TNKS: variants seen among roughly 807,000 people sequenced by gnomAD.
TNKS encodes the protein tankyrase, also known as poly [ADP-ribose] polymerase tankyrase-1.
TNKS carries 72 observed loss-of-function variants against 135.8 expected under a neutral mutation model. The observed-to-expected ratio is 0.53, with a 90% CI of 0.44 to 0.64. TNKS has a LOEUF of 0.64. Among genes scored for constraint, TNKS ranks in the 30% least tolerant of loss-of-function variants. The probability of loss-of-function intolerance (pLI) is 0.00; values close to 1 mark genes in which losing one functional copy is unlikely to be tolerated. For synonymous variants in TNKS, 849 were observed against 649.3 expected, an observed-to-expected ratio of 1.31 and a Z score of -4.68; for missense variants, 1,769 against 1,674.0, an observed-to-expected ratio of 1.06 and a Z score of -0.99.
Position 9,776,595 on chromosome 8 carries a change from C to CT in TNKS, c.3898-52dup, listed in dbSNP as rs938315469. The CT allele has an allele frequency of 3.2e-6, 5 of 1,539,668 alleles. No individual in the cohort carries two copies. In the African/African-American group the frequency reaches 6.8e-5, roughly 21 times the overall value. ...TTTGAGGCTTCCACATTCGGCAAGG[C>CT]TTTAATATTGTGCCTACTAGAAGGG... is the stretch of plus-strand genomic sequence containing the variant. On this transcript the variant is annotated intron_variant, in intron 26 of 26. Coordinates refer to ENST00000310430, the MANE Select transcript of TNKS (RefSeq NM_003747.3).
At chr8:9,627,667 C>T (rs545546920) in intron 3 of TNKS, among the ~76,000 whole-genome samples, 1 of 150,960 alleles carries the variant, frequency 6.6e-6, no homozygotes, top group Non-Finnish European at 1.5e-5. Flanking sequence ...AGAGCAGAGG[C>T]AAAACTGTTT....
At chr8:9,609,921 A>C (rs1799384540) in intron 2 of TNKS, among the ~76,000 whole-genome samples, 1 of 152,016 alleles carries the variant, frequency 6.6e-6, no homozygotes, top group Admixed American at 6.6e-5. Flanking sequence ...GCAGTGGCAC[A>C]ATCTCAGCTC....
At position 9,712,997 on chromosome 8, in the gene TNKS, G is replaced by T. The variant is rs1396932569; in HGVS notation, c.1749+2777G>T. On this transcript the variant is annotated intron_variant, in intron 11 of 26. Coordinates refer to ENST00000310430, the MANE Select transcript of TNKS (RefSeq NM_003747.3). ...TTTTATAATAGTATAGCACTTCTTG[G>T]TTATAATTTACAAAGAAATTCATAT... 4.6e-5 allele frequency among the ~76,000 whole-genome samples: 7 copies of T among 151,844 alleles called. No individual in the cohort carries two copies. In the East Asian group the frequency reaches 1.3e-3, roughly 29 times the overall value.
At chr8:9,570,139 A>T (rs1288306525) in intron 1 of TNKS, among the ~76,000 whole-genome samples, 3 of 152,216 alleles carry the variant, frequency 2.0e-5, no homozygotes, top group Non-Finnish European at 2.9e-5. Context: ...TTTTTGAACC[A>T]TTTATTGAAT....
chr8:9,605,161 G>A (rs1234959312), intron 2 of TNKS, among the ~76,000 whole-genome samples: 1 of 151,990 alleles, frequency 6.6e-6, no homozygotes, highest in Non-Finnish European at 1.5e-5. Context: ...GTTGTCTGGT[G>A]CCCATCTGCA....
chr8:9,754,313 A>G (rs980265439), intron 20 of TNKS, among the ~76,000 whole-genome samples: 8 of 152,210 alleles, frequency 5.3e-5, no homozygotes, highest in Non-Finnish European at 8.8e-5. Flanking sequence ...ACCCACCTCT[A>G]CACATCTTCC....
chr8:9,768,186 C>G (rs985305009), intron 25 of TNKS, among the ~76,000 whole-genome samples: 11 of 152,106 alleles, frequency 7.2e-5, no homozygotes, highest in Non-Finnish European at 1.0e-4. Flanking sequence ...AACAGAGCCT[C>G]AAGCAAAAGC....
intron 2 of TNKS, among the ~76,000 whole-genome samples, chr8:9,612,892 T>C (rs924821085): frequency 2.0e-5 from 3 of 152,214 alleles, no homozygotes; most frequent in African/African-American, 7.2e-5. Flanking sequence ...ATTCTTATAG[T>C]AAAGCAAGCT....
At chr8:9,598,765 GTATATATA>G (rs71201956) in intron 2 of TNKS, among the ~76,000 whole-genome samples, 2,033 of 48,674 alleles carry the variant, frequency 0.042, 57 homozygotes, top group East Asian at 0.049. Context: ...ATGTGTGTGT[GTATATATA>G]TATATATATA....
chr8:9,700,532 T>C (rs761656275), intron 5 of TNKS, among the ~76,000 whole-genome samples: 1 of 152,170 alleles, frequency 6.6e-6, no homozygotes, highest in Non-Finnish European at 1.5e-5. Flanking sequence ...CACTGGGGTA[T>C]CATCTAGGCA....
At position 9,766,423 on chromosome 8, in the gene TNKS, C is replaced by T. The variant is rs573917677; in HGVS notation, c.3738C>T (p.His1246=). 5 of 1,575,310 alleles carry T rather than the reference C, an allele frequency of 3.2e-6. No individual in the cohort carries two copies. In the Admixed American group the frequency reaches 5.2e-5, roughly 16 times the overall value. ...THKDRSCYIC[H]RQMLFCRVTL... ...AGGACAGGTCATGCTATATATGTCA[C>T]AGGTAAGCATCTTGCCATTAGTGTA... Residue 1246 remains histidine (H), a splice_region_variant and synonymous_variant, in exon 25 of 27, where the codon CAC becomes CAT. Coordinates refer to ENST00000310430, the MANE Select transcript of TNKS (RefSeq NM_003747.3).
chr8:9,718,139 C>G (rs1804699331), intron 11 of TNKS, among the ~76,000 whole-genome samples: 1 of 152,008 alleles, frequency 6.6e-6, no homozygotes, highest in Non-Finnish European at 1.5e-5. Flanking sequence ...ATCATTTGTT[C>G]TTCTATCATA....
chr8:9,763,360 T>C (rs1807251770), intron 22 of TNKS, 116 bp downstream of exon 22: 1 of 519,950 alleles, frequency 1.9e-6, no homozygotes, highest in Non-Finnish European at 3.2e-6. Context: ...TTAATCAGTC[T>C]GTCTTAGCCA....
chr8:9,637,955 T>A (rs1010937709), intron 3 of TNKS, among the ~76,000 whole-genome samples: 5 of 152,118 alleles, frequency 3.3e-5, no homozygotes, highest in Non-Finnish European at 5.9e-5. Flanking sequence ...TTGAACTCTT[T>A]TTATTATTAT....
chr8:9,670,981 TA>T (rs1234953097), intron 3 of TNKS: 2 of 152,202 alleles, frequency 1.3e-5, no homozygotes, highest in African/African-American at 4.8e-5. Context: ...TTAATGCAGA[TA>T]ACAAGTGAGA....
chr8:9,607,620 GT>G, intron 2 of TNKS, among the ~76,000 whole-genome samples: 1 of 151,976 alleles, frequency 6.6e-6, no homozygotes, highest in Non-Finnish European at 1.5e-5. Flanking sequence ...TCCATTTGTC[GT>G]ATCAAAAATA....
chr8:9,761,369 A>T, intron 20 of TNKS, 147 bp from the exon 21 acceptor site: 8 of 787,184 alleles, frequency 1.0e-5, no homozygotes, highest in Non-Finnish European at 5.8e-6. Flanking sequence ...AGACAACTTT[A>T]AAAAAATTGT....
chr8:9,762,367 A>G (rs1807188593), intron 21 of TNKS, among the ~76,000 whole-genome samples: 1 of 152,240 alleles, frequency 6.6e-6, no homozygotes. Context: ...TCTGTATTTT[A>G]GTTCATCCAT....
intron 2 of TNKS, among the ~76,000 whole-genome samples, chr8:9,613,731 A>G (rs1799542836): frequency 6.6e-6 from 1 of 152,234 alleles, no homozygotes; most frequent in Non-Finnish European, 1.5e-5. Context: ...CAAAACTACA[A>G]CTAAACTGTA....
Sources: allele counts gnomAD v4.1 joint callset (sites outside exome capture counted in the v4.1 genomes callset), GRCh38; gene constraint gnomAD v4.1.1; transcripts MANE v1.5; gene names NCBI Gene and HGNC (gene_info 2026-07-23, HGNC 2026-07-21).